PCDHA5: variants seen among roughly 807,000 people sequenced by gnomAD.
PCDHA5 encodes the protein protocadherin alpha-5.
Under a neutral mutation model 61.6 loss-of-function variants are expected in PCDHA5, and 43 were observed. The ratio of observed to expected loss-of-function variants is 0.70; its 90% CI spans 0.55 to 0.90. The LOEUF (loss-of-function observed/expected upper bound fraction) is 0.90. Ranked by LOEUF, PCDHA5 falls within the 40% of genes least tolerant of loss-of-function variation. The pLI is 0.00. For missense variants in PCDHA5, 1,298 were observed against 1,222.7 expected (o/e 1.06, Z -0.92); for synonymous variants, 627 against 543.9 (o/e 1.15, Z -2.13).
intron 1 of PCDHA5, among the ~76,000 whole-genome samples, chr5:140,908,968 C>T (rs1201886997): frequency 6.6e-6 from 1 of 152,092 alleles, no homozygotes; most frequent in African/African-American, 2.4e-5. Flanking sequence ...TCTTGATAGG[C>T]CCCACTCCAC....
intron 1 of PCDHA5, chr5:140,930,304 A>G (rs1554207720): frequency 6.6e-6 from 1 of 152,236 alleles, no homozygotes. Flanking sequence ...ATAAGTAAAT[A>G]TCATATTTGA....
chr5:140,822,588 C>A lies in PCDHA5; in HGVS notation c.813C>A (p.Gly271=), dbSNP rs1554128732. Reference sequence around the variant, plus strand: ...TGAACGCCTCAGATGCAGATGAGGGCATCAATAAGGAAATAGTGTATTTCT... The same window carrying A: ...TGAACGCCTCAGATGCAGATGAGGGAATCAATAAGGAAATAGTGTATTTCT... ...IKLNASDADE[G]INKEIVYFFS... The change falls in exon 1 of 4, where the codon GGC becomes GGA. Residue 271 remains glycine, a synonymous_variant. Transcript: ENST00000529859. 1.2e-6 allele frequency: 2 copies of A among 1,609,546 alleles called. No homozygotes were observed. Among genetic ancestry groups the A allele is most frequent in the South Asian group, 1.1e-5 (1 of 90,992 alleles).
At chr5:140,836,151 G>T (rs2150254234) in intron 1 of PCDHA5, 3 of 1,613,828 alleles carry the variant, frequency 1.9e-6, no homozygotes, top group Middle Eastern at 3.3e-4. Context: ...CGCGGGCCAT[G>T]TGGTGGCGAA....
intron 3 of PCDHA5, among the ~76,000 whole-genome samples, chr5:140,990,875 G>A: frequency 6.6e-6 from 1 of 152,198 alleles, no homozygotes; most frequent in East Asian, 1.9e-4. Flanking sequence ...TTAAGTGTAT[G>A]TTCCAGTGAG....
At chr5:140,982,191 T>G (rs1431582069) in intron 2 of PCDHA5, among the ~76,000 whole-genome samples, 1 of 152,266 alleles carries the variant, frequency 6.6e-6, no homozygotes, top group African/African-American at 2.4e-5. Context: ...ATGGGCTTCC[T>G]GTTAGATTTA....
chr5:140,850,912 T>G (rs2150501930), intron 1 of PCDHA5: 2 of 1,541,844 alleles, frequency 1.3e-6, no homozygotes, highest in South Asian at 2.5e-5. Context: ...AGCATTTTAT[T>G]TATTTATATA....
rs2150247025 is a variant in PCDHA5, at chr5:140,835,871, G to A, written c.2352+11744G>A. 23 of 1,611,942 alleles carry A rather than the reference G, an allele frequency of 1.4e-5. No individual in the cohort carries two copies. The South Asian group carries it at 2.4e-4, about 17-fold the overall frequency. On this transcript the variant is annotated intron_variant, in intron 1 of 3. Transcript: ENST00000529859. ...CGCTGGTGTCCTACTCGCTGGTGGA[G>A]CTGCGGGTGGGCGAGCGCGCGCTGT...
intron 1 of PCDHA5, chr5:140,848,643 C>CAGG (rs2150415990): frequency 1.3e-6 from 2 of 1,593,132 alleles, no homozygotes; most frequent in African/African-American, 2.7e-5. Context: ...CCGCATCGCG[C>CAGG]AGGACCTGGG....
intron 1 of PCDHA5, among the ~76,000 whole-genome samples, chr5:140,921,954 C>A (rs970694644): frequency 2.0e-5 from 3 of 151,586 alleles, no homozygotes; most frequent in African/African-American, 7.3e-5. Context: ...TGTAAAATCC[C>A]AGAAAACCAA....
chr5:140,883,532 G>C, intron 1 of PCDHA5: 2 of 1,614,220 alleles, frequency 1.2e-6, no homozygotes, highest in Non-Finnish European at 1.7e-6. Context: ...ATCAGCCTAT[G>C]AACTGGTGGT....
chr5:140,928,308 C>A, intron 1 of PCDHA5: 1 of 1,614,126 alleles, frequency 6.2e-7, no homozygotes, highest in Non-Finnish European at 8.5e-7. Flanking sequence ...CCCAGGACCC[C>A]GACCTGGGGA....
intron 1 of PCDHA5, chr5:140,824,611 T>TG (rs1768217259): frequency 5.0e-5 from 1 of 19,836 alleles, no homozygotes; most frequent in Non-Finnish European, 1.2e-4. Context: ...CTAATTAAAG[T>TG]TTTTTTTTTT....
chr5:140,982,120 T>C (rs1554243763), intron 2 of PCDHA5, among the ~76,000 whole-genome samples: 1 of 152,256 alleles, frequency 6.6e-6, no homozygotes, highest in Non-Finnish European at 1.5e-5. Context: ...CTTGGAACTT[T>C]TGAGAACAAG....
chr5:140,942,108 A>C (rs2093230471), intron 1 of PCDHA5, among the ~76,000 whole-genome samples: 1 of 152,238 alleles, frequency 6.6e-6, no homozygotes. Context: ...TCATATAATC[A>C]AACTTTATTA....
intron 3 of PCDHA5, among the ~76,000 whole-genome samples, chr5:140,993,020 C>G (rs2097537480): frequency 6.6e-6 from 1 of 152,192 alleles, no homozygotes; most frequent in African/African-American, 2.4e-5. Flanking sequence ...TCCAGCATCC[C>G]CTGTGGGCTC....
intron 3 of PCDHA5, among the ~76,000 whole-genome samples, chr5:140,992,036 TG>T (rs2097488420): frequency 6.6e-6 from 1 of 151,818 alleles, no homozygotes; most frequent in African/African-American, 2.4e-5. Flanking sequence ...TGTGTGTGTG[TG>T]TGTGTGTGTG....
At chr5:140,921,967 G>GA (rs2080533534) in intron 1 of PCDHA5, among the ~76,000 whole-genome samples, 1 of 151,284 alleles carries the variant, frequency 6.6e-6, no homozygotes, top group Non-Finnish European at 1.5e-5. Context: ...AAAACCAAAG[G>GA]AAAAAATAGA....
chr5:140,836,445 G>C, intron 1 of PCDHA5: 1 of 1,613,836 alleles, frequency 6.2e-7, no homozygotes, highest in Non-Finnish European at 8.5e-7. Flanking sequence ...GGGCATTGCA[G>C]GCCCAGAGAC....
intron 1 of PCDHA5, chr5:140,850,815 C>T: frequency 6.3e-7 from 1 of 1,598,236 alleles, no homozygotes; most frequent in Non-Finnish European, 8.6e-7. Context: ...GGCCTTCAGC[C>T]CGGGCCTTTC....
Sources: allele counts gnomAD v4.1 joint callset (sites outside exome capture counted in the v4.1 genomes callset), GRCh38; gene constraint gnomAD v4.1.1; transcripts MANE v1.5; gene names NCBI Gene and HGNC (gene_info 2026-07-23, HGNC 2026-07-21).